Variants in ZNF106 observed in about 807,000 individuals in gnomAD.
ZNF106 encodes the protein SH3-domain binding protein 3.
A neutral mutation model predicts 195.1 loss-of-function variants in ZNF106; 67 were observed. The ratio of observed to expected loss-of-function variants is 0.34; its 90% CI spans 0.28 to 0.42. The LOEUF (loss-of-function observed/expected upper bound fraction) is 0.42, where lower values mean the gene tolerates loss of function less well. ZNF106 is among the 10% of genes least tolerant of loss of function. The probability of loss-of-function intolerance (pLI) is 1.00; values close to 1 mark genes in which losing one functional copy is unlikely to be tolerated. For missense variants in ZNF106, 2,118 were observed against 2,304.5 expected, an observed-to-expected ratio of 0.92 and a Z score of 1.66; for synonymous variants, 784 against 818.6, an observed-to-expected ratio of 0.96 and a Z score of 0.72.
intron 1 of ZNF106, among the ~76,000 whole-genome samples, chr15:42,480,218 G>C (rs916141783): frequency 6.6e-6 from 1 of 152,184 alleles, no homozygotes; most frequent in Non-Finnish European, 1.5e-5. Flanking sequence ...TTTGCTTCAT[G>C]TATTTTGAAG....
intron 9 of ZNF106, 31 bp downstream of exon 9, chr15:42,444,171 G>C (rs970479223): frequency 2.3e-5 from 33 of 1,457,370 alleles, no homozygotes; most frequent in Non-Finnish European, 3.0e-5. Flanking sequence ...ACGCTATAGA[G>C]GGCCCAATCC....
intron 1 of ZNF106, among the ~76,000 whole-genome samples, chr15:42,478,066 G>A (rs2056821806): frequency 6.6e-6 from 1 of 150,442 alleles, no homozygotes; most frequent in Non-Finnish European, 1.5e-5. Flanking sequence ...TGCAACCTCT[G>A]TAACCTCCAC....
At chr15:42,465,997 T>C in intron 3 of ZNF106, 56 bp downstream of exon 3, 1 of 1,395,382 alleles carries the variant, frequency 7.2e-7, no homozygotes. Flanking sequence ...ACAGGCACCA[T>C]CATCACTCAG....
At chr15:42,441,192 A>C (rs993682759) in intron 10 of ZNF106, among the ~76,000 whole-genome samples, 1 of 147,804 alleles carries the variant, frequency 6.8e-6, no homozygotes, top group African/African-American at 2.5e-5. Context: ...AAAAAAAAAA[A>C]ATTAGCCGGG....
intron 16 of ZNF106, chr15:42,424,327 C>A: frequency 2.4e-6 from 1 of 419,246 alleles, no homozygotes; most frequent in Non-Finnish European, 4.3e-6. Flanking sequence ...AGTATACCCA[C>A]AGTATAACAA....
In ZNF106 at chr15:42,470,765, C is replaced by T. The variant is rs1428271192; in HGVS notation, c.54+1471G>A. 1.3e-5 allele frequency among the ~76,000 whole-genome samples: 2 copies of T among 152,194 alleles called. 1 individual carries two copies. The highest frequency in any genetic ancestry group is 1.3e-4 in the Admixed American group (2 of 15,268). ...TCTGAACAGCAGCCTTTCCATCTCA[C>T]ATCTTCTCCCTACCTCTGTCCAACG... On this transcript the variant is annotated intron_variant, in intron 2 of 21. Transcript: ENST00000564754.
Position 42,448,684 on chromosome 15 carries a change from G to A in ZNF106, c.2523C>T (p.Pro841=). The A allele has an allele frequency of 1.0e-5, 16 of 1,605,096 alleles. No homozygotes were observed. The highest frequency in any genetic ancestry group is 1.3e-5 in the Non-Finnish European group (15 of 1,178,302). ...AGGCTTCTTGTTCATTTTGAACAAG[G>A]GGTACCATTTCTATGCCAAACCTTA... ...GLPRFGIEMV[P]LVQNEQEALD... Residue 841 remains proline (P), a synonymous_variant, in exon 6 of 22, where the codon CCC becomes CCT. Coordinates refer to ENST00000564754, the MANE Select transcript of ZNF106 (RefSeq NM_001366845.3).
intron 10 of ZNF106, 67 bp downstream of exon 10, chr15:42,442,006 T>C (rs1020949214): frequency 7.8e-7 from 1 of 1,285,238 alleles, no homozygotes; most frequent in Non-Finnish European, 1.1e-6. Flanking sequence ...ATGGCTTATA[T>C]CACTCATATA....
At chr15:42,478,368 T>C (rs962681792) in intron 1 of ZNF106, among the ~76,000 whole-genome samples, 2 of 152,006 alleles carry the variant, frequency 1.3e-5, no homozygotes, top group African/African-American at 2.4e-5. Flanking sequence ...TTCACCATAT[T>C]GGCCAGGTTG....
intron 2 of ZNF106, among the ~76,000 whole-genome samples, chr15:42,468,915 G>A (rs961000379): frequency 2.2e-4 from 33 of 152,076 alleles, no homozygotes; most frequent in Admixed American, 5.2e-4. Context: ...GGTGGGGCAC[G>A]GTGGCTCACG....
intron 4 of ZNF106, among the ~76,000 whole-genome samples, chr15:42,455,650 G>A (rs187801097): frequency 2.6e-5 from 4 of 152,230 alleles, no homozygotes; most frequent in African/African-American, 9.6e-5. Context: ...TCATGCACCA[G>A]GACAATAGGC....
intron 16 of ZNF106, 55 bp from the exon 17 acceptor site, chr15:42,424,115 A>T: frequency 6.8e-7 from 1 of 1,473,194 alleles, no homozygotes; most frequent in Non-Finnish European, 9.3e-7. Context: ...AATTTTCTCT[A>T]TAACTTGTAA....
intron 1 of ZNF106, among the ~76,000 whole-genome samples, chr15:42,489,749 C>A (rs1020726549): frequency 1.3e-5 from 2 of 152,006 alleles, no homozygotes; most frequent in African/African-American, 4.8e-5. Context: ...CAAAAGTTAT[C>A]TGTGGGCCGG....
At chr15:42,441,970 G>T (rs2055550303) in intron 10 of ZNF106, 103 bp downstream of exon 10, 1 of 836,358 alleles carries the variant, frequency 1.2e-6, no homozygotes, top group Middle Eastern at 2.5e-4. Context: ...AGTTGTACTT[G>T]CTCATTTTAG....
intron 2 of ZNF106, among the ~76,000 whole-genome samples, chr15:42,467,091 C>G (rs958925356): frequency 6.6e-6 from 1 of 152,030 alleles, no homozygotes; most frequent in Non-Finnish European, 1.5e-5. Flanking sequence ...CGAGATTGTG[C>G]GACTGTACTC....
intron 2 of ZNF106, among the ~76,000 whole-genome samples, chr15:42,468,068 C>CTTTTTTTTT (rs200457966): frequency 2.0e-5 from 2 of 102,110 alleles, no homozygotes; most frequent in African/African-American, 8.1e-5. Context: ...TTCAAAACGC[C>CTTTTTTTTT]TTTTTTTTTT....
intron 4 of ZNF106, among the ~76,000 whole-genome samples, chr15:42,452,808 C>T (rs764455162): frequency 4.6e-5 from 7 of 150,976 alleles, no homozygotes; most frequent in Non-Finnish European, 8.8e-5. Context: ...GCCTCAGACT[C>T]CCGACTAGCT....
At chr15:42,428,321 G>A (rs553337395) in intron 14 of ZNF106, among the ~76,000 whole-genome samples, 187 bp from the exon 15 acceptor site, 1 of 152,284 alleles carries the variant, frequency 6.6e-6, no homozygotes, top group South Asian at 2.1e-4. Context: ...CTTCCAAGCT[G>A]TAGGTAATAT....
intron 3 of ZNF106, among the ~76,000 whole-genome samples, chr15:42,460,520 G>C (rs1456669729): frequency 6.6e-6 from 1 of 152,174 alleles, no homozygotes; most frequent in Admixed American, 6.5e-5. Context: ...TTATTTGACA[G>C]AGAACAAATC....
Sources: allele counts gnomAD v4.1 joint callset (sites outside exome capture counted in the v4.1 genomes callset), GRCh38; gene constraint gnomAD v4.1.1; transcripts MANE v1.5; gene names NCBI Gene and HGNC (gene_info 2026-07-23, HGNC 2026-07-21).